The following PPARG variants were observed in gnomAD, a reference collection of about 807,000 sequenced individuals.
The protein encoded by PPARG is peroxisome proliferator-activated receptor gamma.
Under a neutral mutation model 39.2 loss-of-function variants are expected in PPARG, and 17 were observed. That is an observed-to-expected ratio of 0.43 (90% CI 0.30 to 0.65). PPARG has a LOEUF of 0.65. PPARG is among the 30% of genes least tolerant of loss of function. The probability of loss-of-function intolerance (pLI) is 0.13; values close to 1 mark genes in which losing one functional copy is unlikely to be tolerated. For missense variants in PPARG, 406 were observed against 585.9 expected (o/e 0.69, Z 3.17); for synonymous variants, 223 against 215.7 (o/e 1.03, Z -0.30).
At chr3:12,362,591 TAC>T (rs1372771339) in intron 2 of PPARG, among the ~76,000 whole-genome samples, 1 of 151,888 alleles carries the variant, frequency 6.6e-6, no homozygotes, top group Non-Finnish European at 1.5e-5. Context: ...AACAACAAAA[TAC>T]AGTCATGTCA....
intron 6 of PPARG, among the ~76,000 whole-genome samples, chr3:12,411,791 A>G (rs192021420): frequency 1.5e-5 from 2 of 135,560 alleles, no homozygotes; most frequent in East Asian, 2.5e-4. Flanking sequence ...GCAGAAACCA[A>G]CGAGAGGCTG....
intron 6 of PPARG, among the ~76,000 whole-genome samples, chr3:12,411,503 G>A (rs987888480): frequency 1.3e-5 from 2 of 152,170 alleles, no homozygotes; most frequent in African/African-American, 4.8e-5. Flanking sequence ...AAGAGCGTTA[G>A]TTTAAAATCT....
At chr3:12,425,148 G>A (rs1030002380) in intron 7 of PPARG, among the ~76,000 whole-genome samples, 18 of 152,178 alleles carry the variant, frequency 1.2e-4, no homozygotes, top group Admixed American at 1.1e-3. Context: ...GAAGGAAAGA[G>A]ATCCTGGAGG....
chr3:12,409,543 T>C (rs1439956211), intron 6 of PPARG, among the ~76,000 whole-genome samples: 1 of 152,180 alleles, frequency 6.6e-6, no homozygotes, highest in Non-Finnish European at 1.5e-5. Flanking sequence ...CCAGGACTCA[T>C]GAAAGTTAAG....
At chr3:12,354,688 G>A (rs1020951965) in intron 2 of PPARG, among the ~76,000 whole-genome samples, 8 of 150,906 alleles carry the variant, frequency 5.3e-5, no homozygotes, top group African/African-American at 2.0e-4. Flanking sequence ...AGGAGGCAGA[G>A]GTTGCAGTGA....
intron 5 of PPARG, among the ~76,000 whole-genome samples, chr3:12,393,836 G>A (rs530853417): frequency 3.3e-4 from 50 of 152,216 alleles, no homozygotes; most frequent in Non-Finnish European, 5.9e-4. Context: ...ATATTTGAGA[G>A]TCACTCATTG....
intron 7 of PPARG, among the ~76,000 whole-genome samples, chr3:12,428,388 T>TCA (rs532918336): frequency 6.6e-6 from 1 of 152,160 alleles, no homozygotes; most frequent in Non-Finnish European, 1.5e-5. Context: ...GGAGTCTGAG[T>TCA]CACACACACT....
chr3:12,327,393 A>G (rs1321201564), intron 2 of PPARG, among the ~76,000 whole-genome samples: 2 of 152,226 alleles, frequency 1.3e-5, no homozygotes, highest in Admixed American at 6.5e-5. Context: ...GCCTCTGGGC[A>G]TTTGGTAAGA....
At chr3:12,311,720 A>G (rs2047250338) in intron 1 of PPARG, among the ~76,000 whole-genome samples, 1 of 152,124 alleles carries the variant, frequency 6.6e-6, no homozygotes, top group Non-Finnish European at 1.5e-5. Flanking sequence ...CAGCTATTCT[A>G]GGATCCTTGA....
chr3:12,365,617 T>C (rs964901555), intron 2 of PPARG, among the ~76,000 whole-genome samples: 1 of 151,988 alleles, frequency 6.6e-6, no homozygotes, highest in African/African-American at 2.4e-5. Flanking sequence ...TTTTTTTGCA[T>C]GTGGATGTCC....
At chr3:12,423,170 A>T (rs2051321511) in intron 7 of PPARG, among the ~76,000 whole-genome samples, 1 of 152,246 alleles carries the variant, frequency 6.6e-6, no homozygotes, top group South Asian at 2.1e-4. Context: ...AAGTAAACAC[A>T]TCTCTGCTTA....
chr3:12,328,967 A>G (rs1409430496), intron 2 of PPARG, among the ~76,000 whole-genome samples: 1 of 152,138 alleles, frequency 6.6e-6, no homozygotes, highest in Non-Finnish European at 1.5e-5. Context: ...GGCCAATATC[A>G]TAAGATGGAC....
intron 2 of PPARG, among the ~76,000 whole-genome samples, chr3:12,373,356 A>G (rs1307121160): frequency 6.6e-6 from 1 of 152,164 alleles, no homozygotes; most frequent in Admixed American, 6.5e-5. Context: ...TGAAGAGGCA[A>G]GCTGTTTTTC....
intron 2 of PPARG, among the ~76,000 whole-genome samples, chr3:12,374,720 A>G (rs4135321): frequency 0.021 from 3,138 of 152,274 alleles, 111 homozygotes; most frequent in African/African-American, 0.072. Context: ...TATAGCAGGT[A>G]TACTACACTG....
intron 7 of PPARG, among the ~76,000 whole-genome samples, chr3:12,420,719 A>G (rs1358826363): frequency 6.6e-6 from 1 of 152,200 alleles, no homozygotes; most frequent in Non-Finnish European, 1.5e-5. Flanking sequence ...CCAACTCAGT[A>G]TTTGCTGGGG....
At chr3:12,307,629 G>C (rs918936589) in intron 1 of PPARG, among the ~76,000 whole-genome samples, 1 of 152,200 alleles carries the variant, frequency 6.6e-6, no homozygotes, top group Non-Finnish European at 1.5e-5. Flanking sequence ...TAAAGACTGT[G>C]TGTAGGTAGG....
chr3:12,430,895 G>A (rs2051638240), intron 7 of PPARG, among the ~76,000 whole-genome samples: 1 of 152,156 alleles, frequency 6.6e-6, no homozygotes, highest in South Asian at 2.1e-4. Context: ...AACATAGGGT[G>A]TTTGAGGAAC....
chr3:12,374,078 A>G (rs2049319144), intron 2 of PPARG, among the ~76,000 whole-genome samples: 1 of 152,182 alleles, frequency 6.6e-6, no homozygotes, highest in Non-Finnish European at 1.5e-5. Flanking sequence ...AGACTGAAAA[A>G]GTAAGTTAGG....
chr3:12,403,563 C>G (rs2050554862), intron 5 of PPARG, among the ~76,000 whole-genome samples: 1 of 151,952 alleles, frequency 6.6e-6, no homozygotes, highest in Non-Finnish European at 1.5e-5. Flanking sequence ...TCTATGTTGC[C>G]CAGGCTGCTC....
Sources: gnomAD v4.1 joint callset for allele counts (sites outside exome capture counted in the v4.1 genomes callset) on GRCh38, gnomAD v4.1.1 for gene constraint, MANE v1.5 for transcripts, NCBI Gene and HGNC (gene_info 2026-07-23, HGNC 2026-07-21) for gene names.